Variants in USP42 observed in about 807,000 individuals in gnomAD.
USP42 encodes ubiquitin carboxyl-terminal hydrolase 42.
Under a neutral mutation model 113.0 loss-of-function variants are expected in USP42, and 23 were observed. The observed-to-expected ratio is 0.20, with a 90% confidence interval of 0.15 to 0.29. The LOEUF (loss-of-function observed/expected upper bound fraction) is 0.29. Ranked by LOEUF, USP42 falls within the 10% of genes least tolerant of loss-of-function variation. USP42 has a pLI of 1.00. For synonymous variants in USP42, 933 were observed against 699.0 expected (o/e 1.33, Z -5.28); for missense variants, 2,174 against 1,779.8 (o/e 1.22, Z -3.99).
rs761239260 is a variant in USP42, at chr7:6,155,134, A to C, written c.3580A>C (p.Lys1194Gln). The C allele has an allele frequency of 2.4e-5, 37 of 1,551,204 alleles. No individual in the cohort carries two copies. In the South Asian group the frequency reaches 3.1e-4, roughly 13 times the overall value. Reference sequence around the variant, plus strand: ...TCCTCTAGAAGAGCCTAAAGCAAAGAAGCACAAAAAATCAAAGAAGAAAAA... The same window carrying C: ...TCCTCTAGAAGAGCCTAAAGCAAAGCAGCACAAAAAATCAAAGAAGAAAAA... ...KDPLEEPKAK[K>Q]HKKSKKKKKS... Residue 1194 changes from lysine (K) to glutamine (Q), a missense_variant, in exon 15 of 18, where the codon AAG becomes CAG. Lys to Gln is a moderately conservative substitution (Grantham distance 53, BLOSUM62 1). Coordinates refer to ENST00000306177, the MANE Select transcript of USP42 (RefSeq NM_032172.3).
At chr7:6,114,974 G>A (rs965609276) in intron 2 of USP42, among the ~76,000 whole-genome samples, 1 of 152,096 alleles carries the variant, frequency 6.6e-6, no homozygotes, top group South Asian at 2.1e-4. Context: ...ATAGGCGTGA[G>A]CCACTGTGCC....
At chr7:6,097,493 A>C in the USP42 span, among the ~76,000 whole-genome samples, 1 of 144,996 alleles carries the variant, frequency 6.9e-6, no homozygotes, top group Non-Finnish European at 1.5e-5. Flanking sequence ...CGCAGCCTCC[A>C]ATTCCTGGCC....
At chr7:6,115,587 G>C (rs1358752105) in intron 3 of USP42, 64 bp downstream of exon 3, 1 of 1,545,690 alleles carries the variant, frequency 6.5e-7, no homozygotes, top group African/African-American at 1.4e-5. Context: ...TTTTTCCTCT[G>C]AAATGAAAGT....
the USP42 span, chr7:6,081,699 G>C: frequency 2.6e-5 from 4 of 152,202 alleles, no homozygotes; most frequent in African/African-American, 9.7e-5. Flanking sequence ...TGCGGAGGTC[G>C]GGTGAGAGGG....
rs1332296965 is a variant in USP42 at position 6,158,945 on chromosome 7, C to G, written c.3944-505C>G. 6.6e-6 allele frequency among the ~76,000 whole-genome samples: 1 copy of G among 152,084 alleles called. No individual in the cohort carries two copies. The highest frequency in any genetic ancestry group is 2.4e-5 in the African/African-American group (1 of 41,396). On this transcript the variant is annotated intron_variant, in intron 16 of 17. Coordinates refer to ENST00000306177, the MANE Select transcript of USP42 (RefSeq NM_032172.3). The surrounding 1 kb of genome is among the most constrained non-coding windows in gnomAD (Gnocchi z 4.2). ...CTCGGGTGCTGTGGTCAGGCGTTGT[C>G]TGTGTGGTGGCCCTGTGTTTCCGTC...
chr7:6,123,694 A>C (rs1266384507), intron 3 of USP42, among the ~76,000 whole-genome samples: 1 of 151,908 alleles, frequency 6.6e-6, no homozygotes, highest in African/African-American at 2.4e-5. Flanking sequence ...TAAAATATTA[A>C]AAAATTAGCT....
At chr7:6,091,991 T>TTCTTCC in the USP42 span, among the ~76,000 whole-genome samples, 1 of 58,130 alleles carries the variant, frequency 1.7e-5, no homozygotes, top group African/African-American at 5.5e-5. Context: ...CTTCTTCTTC[T>TTCTTCC]TCTTCTTCTT....
intron 15 of USP42, 40 bp from the exon 16 acceptor site, chr7:6,156,714 T>C: frequency 6.7e-7 from 1 of 1,501,452 alleles, no homozygotes; most frequent in South Asian, 1.4e-5. Flanking sequence ...CTGGTGGTTT[T>C]GTGTTTTAGG....
At chr7:6,127,146 C>A (rs1342922745) in intron 3 of USP42, among the ~76,000 whole-genome samples, 1 of 152,100 alleles carries the variant, frequency 6.6e-6, no homozygotes, top group Non-Finnish European at 1.5e-5. Flanking sequence ...TGAAACGTGC[C>A]TGTATCTTTC....
chr7:6,129,559 G>GA (rs34404773), intron 3 of USP42, among the ~76,000 whole-genome samples: 9,247 of 103,202 alleles, frequency 0.09, 494 homozygotes, highest in African/African-American at 0.17. Flanking sequence ...TCTGCCTCAG[G>GA]AAAAAAAAAA....
At position 6,135,821 on chromosome 7, in the gene USP42, G is replaced by A. The variant is rs756585345; in HGVS notation, c.443-20G>A. 4.5e-6 allele frequency: 7 copies of A among 1,540,328 alleles called. No individual in the cohort carries two copies. The highest frequency in any genetic ancestry group is 6.2e-6 in the Non-Finnish European group (7 of 1,132,090). On this transcript the variant is annotated intron_variant, in intron 3 of 17. Coordinates refer to ENST00000306177, the MANE Select transcript of USP42 (RefSeq NM_032172.3). ...ATGGTTGTATTTTGCTAATTTGGAG[G>A]ATTATCATCTATCTTTCAGGTCATG... is the stretch of plus-strand genomic sequence containing the variant.
rs1391203335 is a variant in USP42, at chr7:6,158,135, G to A, written c.3943+1080G>A. On this transcript the variant is annotated intron_variant, in intron 16 of 17. Transcript: ENST00000306177. The surrounding 1 kb of genome is among the most constrained non-coding windows in gnomAD (Gnocchi z 4.2). ...TGGAAATAATCCCAAAGAACAATGC[G>A]TTTCACATGAAAATGATGTGAAATT... Among the ~76,000 whole-genome samples, 3 of 152,194 alleles carry A rather than the reference G, an allele frequency of 2.0e-5. No individual in the cohort carries two copies. The highest frequency in any genetic ancestry group is 2.9e-5 in the Non-Finnish European group (2 of 68,040).
chr7:6,151,359 A>G (rs1012774183), intron 14 of USP42, among the ~76,000 whole-genome samples: 2 of 152,248 alleles, frequency 1.3e-5, no homozygotes, highest in African/African-American at 4.8e-5. Context: ...TAGACTTTTA[A>G]TTTTAAACTG....
intron 7 of USP42, among the ~76,000 whole-genome samples, chr7:6,141,564 A>ATT (rs34431829): frequency 9.9e-5 from 14 of 141,338 alleles, no homozygotes; most frequent in East Asian, 4.1e-4. Flanking sequence ...GGTTATTATT[A>ATT]TTTTTTTTTT....
At chr7:6,083,823 A>G in the USP42 span, among the ~76,000 whole-genome samples, 7 of 150,532 alleles carry the variant, frequency 4.7e-5, 2 homozygotes, top group African/African-American at 1.5e-4. Context: ...CTCAATCTGC[A>G]TATTCAGAGC....
chr7:6,144,618 C>G (rs1384404008), intron 9 of USP42, among the ~76,000 whole-genome samples: 1 of 152,062 alleles, frequency 6.6e-6, no homozygotes, highest in Non-Finnish European at 1.5e-5. Flanking sequence ...GCCCGTAATC[C>G]CAGCACTTTA....
chr7:6,153,904 C>T lies in USP42; in HGVS notation c.2350C>T (p.Pro784Ser), dbSNP rs951372140. 4 of 1,593,558 alleles carry T rather than the reference C, an allele frequency of 2.5e-6. No individual in the cohort carries two copies. Among genetic ancestry groups the T allele is most frequent in the Non-Finnish European group, 3.4e-6 (4 of 1,172,268 alleles). Residue 784 changes from proline to serine, a missense_variant, in exon 15 of 18, where the codon CCC (proline) becomes TCC (serine). Coordinates refer to ENST00000306177, the MANE Select transcript of USP42 (RefSeq NM_032172.3). ...TCCGCCGCCCCGCGATCCCGGCACC[C>T]CCGCTACCAAAGAAGGCGCCTGGGA... is the stretch of plus-strand genomic sequence containing the variant. ...KAPPPRDPGT[P>S]ATKEGAWEAM...
chr7:6,144,179 G>A lies in USP42; in HGVS notation c.973G>A (p.Gly325Ser), dbSNP rs757691271. 2 of 1,590,638 alleles carry A rather than the reference G, an allele frequency of 1.3e-6. No homozygotes were observed. Among genetic ancestry groups the A allele is most frequent in the East Asian group, 2.3e-5 (1 of 42,848 alleles). ...LSLKRFANFT[G>S]GKIAKDVKYP... Reference sequence around the variant, plus strand: ...TCTGAAACGTTTTGCAAATTTTACCGGTGGAAAAATTGCTAAGGTATGTGG... The same window carrying A: ...TCTGAAACGTTTTGCAAATTTTACCAGTGGAAAAATTGCTAAGGTATGTGG... Residue 325 changes from glycine (G) to serine (S), a missense_variant, in exon 9 of 18, where the codon GGT becomes AGT. Gly to Ser is a moderately conservative substitution (Grantham distance 56). Coordinates refer to ENST00000306177, the MANE Select transcript of USP42 (RefSeq NM_032172.3).
At chr7:6,126,005 T>C (rs1320454213) in intron 3 of USP42, among the ~76,000 whole-genome samples, 1 of 152,180 alleles carries the variant, frequency 6.6e-6, no homozygotes, top group Non-Finnish European at 1.5e-5. Flanking sequence ...GACATTGATA[T>C]AGTCAAGATA....
Sources: gnomAD v4.1 joint callset for allele counts (sites outside exome capture counted in the v4.1 genomes callset) on GRCh38, gnomAD v4.1.1 for gene constraint, Gnocchi (gnomAD v3.1) non-coding constraint, MANE v1.5 for transcripts, NCBI Gene and HGNC (gene_info 2026-07-23, HGNC 2026-07-21) for gene names.